CC2D2A: variants seen among roughly 807,000 people sequenced by gnomAD.
CC2D2A encodes the protein coiled-coil and C2 domain-containing protein 2A.
CC2D2A carries 155 observed loss-of-function variants against 212.9 expected under a neutral mutation model. That is an observed-to-expected ratio of 0.73 (90% CI 0.64 to 0.83). CC2D2A has a LOEUF of 0.83. Among genes scored for constraint, CC2D2A ranks in the 40% least tolerant of loss-of-function variants. The probability of loss-of-function intolerance (pLI) is 0.00; values close to 1 mark genes in which losing one functional copy is unlikely to be tolerated. For missense variants in CC2D2A, 1,856 were observed against 1,956.2 expected (o/e 0.95, Z 0.97); for synonymous variants, 667 against 686.5 (o/e 0.97, Z 0.44).
chr4:15,537,287 C>G (rs977748402), intron 15 of CC2D2A, among the ~76,000 whole-genome samples: 1 of 152,158 alleles, frequency 6.6e-6, no homozygotes, highest in African/African-American at 2.4e-5. Context: ...CTGACTGATA[C>G]CAGAGCCAGC....
At position 15,523,070 on chromosome 4, in the gene CC2D2A, T is replaced by A. The variant is rs566509550; in HGVS notation, c.1150-4377T>A. ...CGAAGGTTGCAGTGAGCAGAGAACA[T>A]GCCATTGCACTCTAACCTGGGTGAC... On this transcript the variant is annotated intron_variant, in intron 11 of 36. Coordinates refer to ENST00000424120, the MANE Select transcript of CC2D2A (RefSeq NM_001378615.1). Among the ~76,000 whole-genome samples the A allele has an allele frequency of 2.7e-5, 4 of 150,574 alleles. No homozygotes were observed. The South Asian group carries it at 8.4e-4, about 32-fold the overall frequency.
At chr4:15,592,352 TCACTTTATAAGCA>T (rs1721146009) in intron 33 of CC2D2A, among the ~76,000 whole-genome samples, 1 of 152,218 alleles carries the variant, frequency 6.6e-6, no homozygotes, top group African/African-American at 2.4e-5. Context: ...TCTCTTGCTT[TCACTTTATAAGCA>T]CACTCAGACC....
chr4:15,516,126 G>T lies in CC2D2A; in HGVS notation c.1017+122G>T, dbSNP rs1577340737. 2.0e-5 allele frequency: 21 copies of T among 1,048,336 alleles called. No homozygotes were observed. In the East Asian group the frequency reaches 5.9e-4, roughly 29 times the overall value. 64.9% of individuals were successfully genotyped at this position (1,048,336 alleles called of 1,614,324 possible). ...TTCCTCTTGAGGTTATCCACAGAAAGTGGTTCATTTTTTTTTTTTTAACTT... is the reference window on the plus strand; with the variant it reads ...TTCCTCTTGAGGTTATCCACAGAAATTGGTTCATTTTTTTTTTTTTAACTT... On this transcript the variant is annotated intron_variant, in intron 10 of 36. Transcript: ENST00000424120.
chr4:15,570,854 C>T (rs1271235030), intron 28 of CC2D2A, among the ~76,000 whole-genome samples: 1 of 152,136 alleles, frequency 6.6e-6, no homozygotes. Context: ...CGCCATTGCA[C>T]TCCAGCCTGG....
intron 4 of CC2D2A, chr4:15,481,153 T>G: frequency 2.2e-6 from 1 of 463,152 alleles, no homozygotes; most frequent in South Asian, 1.5e-5. Flanking sequence ...TTGGTTGGTG[T>G]TGTCCTCTAG....
At chr4:15,479,645 C>A (rs952956443) in intron 3 of CC2D2A, among the ~76,000 whole-genome samples, 1 of 152,152 alleles carries the variant, frequency 6.6e-6, no homozygotes, top group South Asian at 2.1e-4. Context: ...TGCCTGGCCA[C>A]GTGGGCTAGC....
chr4:15,528,844 T>C, intron 13 of CC2D2A, 118 bp downstream of exon 13: 2 of 664,160 alleles, frequency 3.0e-6, no homozygotes, highest in East Asian at 2.8e-5. Flanking sequence ...TTATGCCATA[T>C]AAAACAATCA....
At chr4:15,512,995 T>C (rs1262072605) in intron 8 of CC2D2A, among the ~76,000 whole-genome samples, 1 of 151,808 alleles carries the variant, frequency 6.6e-6, no homozygotes, top group Non-Finnish European at 1.5e-5. Flanking sequence ...ATGTTATATA[T>C]ATTTTACCAC....
intron 4 of CC2D2A, chr4:15,492,829 A>G (rs2108988246): frequency 1.6e-6 from 1 of 634,396 alleles, no homozygotes; most frequent in African/African-American, 1.8e-5. Flanking sequence ...ACTGAGGGCA[A>G]TGCCAGCCCC....
intron 35 of CC2D2A, among the ~76,000 whole-genome samples, 199 bp from the exon 36 acceptor site, chr4:15,599,330 C>T (rs1169252129): frequency 6.6e-6 from 1 of 152,114 alleles, no homozygotes; most frequent in Admixed American, 6.5e-5. Flanking sequence ...ATATACAACC[C>T]TTAAGGACAG....
chr4:15,477,896 C>A lies in CC2D2A; in HGVS notation c.40-827C>A, dbSNP rs895350207. Among the ~76,000 whole-genome samples the A allele has an allele frequency of 3.3e-5, 5 of 152,128 alleles. No homozygotes were observed. In the East Asian group the frequency reaches 7.7e-4, roughly 23 times the overall value. Reference sequence around the variant, plus strand: ...ATGATATTTCTTTGAAATTATATATCCTTAAAATTCATACTTTGTGTTCCG... The same window carrying A: ...ATGATATTTCTTTGAAATTATATATACTTAAAATTCATACTTTGTGTTCCG... On this transcript the variant is annotated intron_variant, in intron 2 of 36. Coordinates refer to ENST00000424120, the MANE Select transcript of CC2D2A (RefSeq NM_001378615.1).
rs1666754483 is a variant in CC2D2A at position 15,524,080 on chromosome 4, C to G, written c.1150-3367C>G. On this transcript the variant is annotated intron_variant, in intron 11 of 36. Transcript: ENST00000424120. Reference sequence around the variant, plus strand: ...CTTTGTTGCTATTATTTTTTCAGGGCAAATGTAGAAACTTGTATTTTAAAC... The same window carrying G: ...CTTTGTTGCTATTATTTTTTCAGGGGAAATGTAGAAACTTGTATTTTAAAC... Among the ~76,000 whole-genome samples the G allele has an allele frequency of 1.3e-5, 2 of 152,116 alleles. 1 individual carries two copies. The highest frequency in any genetic ancestry group is 4.2e-4 in the South Asian group (2 of 4,818).
At chr4:15,504,226 T>C (rs1716129233) in intron 6 of CC2D2A, among the ~76,000 whole-genome samples, 1 of 152,226 alleles carries the variant, frequency 6.6e-6, no homozygotes, top group Non-Finnish European at 1.5e-5. Context: ...GCCTTGTTTA[T>C]GTTTTGTGGT....
intron 1 of CC2D2A, among the ~76,000 whole-genome samples, chr4:15,475,330 C>T (rs989540218): frequency 6.6e-6 from 1 of 152,004 alleles, no homozygotes. Context: ...AAAATTACAG[C>T]ATTTTTTCCA....
chr4:15,597,737 A>T (rs1489214917), intron 35 of CC2D2A, among the ~76,000 whole-genome samples: 1 of 152,214 alleles, frequency 6.6e-6, no homozygotes, highest in Non-Finnish European at 1.5e-5. Flanking sequence ...ACATCATGTT[A>T]TAGGTGTTGT....
rs772540373 is a variant in CC2D2A at position 15,601,293 on chromosome 4, T to C, written c.4731T>C (p.Ala1577=). 3 of 1,612,988 alleles carry C rather than the reference T, an allele frequency of 1.9e-6. No individual in the cohort carries two copies. Among genetic ancestry groups the C allele is most frequent in the South Asian group, 1.1e-5 (1 of 90,964 alleles). The change falls in exon 37 of 37, where the codon GCT becomes GCC. Residue 1577 remains alanine (A), a synonymous_variant. Coordinates refer to ENST00000424120, the MANE Select transcript of CC2D2A (RefSeq NM_001378615.1). ...CTGAAGTGAAGCCTTTAATTGACGC[T>C]GTGTATAGTACTGGAGTACATAATA... ...PYSEVKPLID[A]VYSTGVHNID...
chr4:15,520,401 A>G (rs1717137586), intron 11 of CC2D2A, among the ~76,000 whole-genome samples: 1 of 152,194 alleles, frequency 6.6e-6, no homozygotes, highest in African/African-American at 2.4e-5. Context: ...AGTGATCAAA[A>G]CAATATCAAC....
rs144992912 is a variant in CC2D2A, at chr4:15,572,668, C to T, written c.3595-1482C>T. Among the ~76,000 whole-genome samples the T allele has an allele frequency of 2.1e-3, 325 of 151,648 alleles. 1 individual carries two copies. Among genetic ancestry groups the T allele is most frequent in the Non-Finnish European group, 3.8e-3 (256 of 67,968 alleles). Reference sequence around the variant, plus strand: ...AGTGCCTGTATTAGGGTTCTCTAAACGGACAGGACTAATAGGATAGATATA... The same window carrying T: ...AGTGCCTGTATTAGGGTTCTCTAAATGGACAGGACTAATAGGATAGATATA... On this transcript the variant is annotated intron_variant, in intron 28 of 36. Coordinates refer to ENST00000424120, the MANE Select transcript of CC2D2A (RefSeq NM_001378615.1).
chr4:15,556,992 C>T (rs890327613), intron 20 of CC2D2A, among the ~76,000 whole-genome samples: 7 of 152,142 alleles, frequency 4.6e-5, no homozygotes, highest in East Asian at 1.9e-4. Context: ...GTAGGCACCT[C>T]GTAATACACT....
Sources: gnomAD v4.1 joint callset for allele counts (sites outside exome capture counted in the v4.1 genomes callset) on GRCh38, gnomAD v4.1.1 for gene constraint, MANE v1.5 for transcripts, NCBI Gene and HGNC (gene_info 2026-07-23, HGNC 2026-07-21) for gene names.